ABCA10: variants seen among roughly 807,000 people sequenced by gnomAD.
The protein encoded by ABCA10 is ATP-binding cassette sub-family A member 10.
ABCA10 carries 169 observed loss-of-function variants against 187.5 expected under a neutral mutation model. The ratio of observed to expected loss-of-function variants is 0.90; its 90% confidence interval spans 0.80 to 1.02. ABCA10 has a LOEUF of 1.02. Ranked by LOEUF, ABCA10 falls within the 50% of genes least tolerant of loss-of-function variation. The pLI is 0.00. For missense variants in ABCA10, 1,727 were observed against 1,812.4 expected (o/e 0.95, Z 0.86); for synonymous variants, 574 against 601.8 (o/e 0.95, Z 0.68).
intron 20 of ABCA10, among the ~76,000 whole-genome samples, 187 bp from the exon 21 acceptor site, chr17:69,182,995 T>G (rs1179932495): frequency 6.6e-6 from 1 of 152,198 alleles, no homozygotes; most frequent in Non-Finnish European, 1.5e-5. Flanking sequence ...CCATTTACTA[T>G]CTTCAATGTG....
In ABCA10 at chr17:69,153,289, T is replaced by G; in HGVS notation, c.4136+16A>C. 1 of 1,588,488 alleles carries G rather than the reference T, an allele frequency of 6.3e-7. No individual in the cohort carries two copies. The highest frequency in any genetic ancestry group is 8.5e-7 in the Non-Finnish European group (1 of 1,172,026). On this transcript the variant is annotated intron_variant, in intron 34 of 38. Transcript: ENST00000690296. Reference sequence around the variant, plus strand: ...GTATTCTCTTGACTCTGACACTTAATATTCACTCTCCTTACCACATTTGCT... The same window carrying G: ...GTATTCTCTTGACTCTGACACTTAAGATTCACTCTCCTTACCACATTTGCT...
intron 19 of ABCA10, among the ~76,000 whole-genome samples, chr17:69,186,332 CAAAAG>C (rs942596919): frequency 1.3e-5 from 2 of 152,034 alleles, no homozygotes; most frequent in African/African-American, 4.8e-5. Context: ...TTATCGCCGC[CAAAAG>C]AAAAGAAAAC....
chr17:69,193,864 T>C lies in ABCA10; in HGVS notation c.1471A>G (p.Arg491Gly), dbSNP rs1473277334. The C allele has an allele frequency of 1.2e-6, 2 of 1,613,542 alleles. No individual in the cohort carries two copies. Among genetic ancestry groups the C allele is most frequent in the African/African-American group, 2.7e-5 (2 of 74,910 alleles). ...FDFLTVRENL[R>G]VFAKIKGIQP... is the part of the protein sequence containing the mutation. ...ATCCCTTTTATTTTAGCAAATACCC[T>C]GAGGTTTTCTCTCACAGTGAGGAAG... The change falls in exon 13 of 39, where the codon AGG becomes GGG. Residue 491 changes from arginine (R) to glycine (G), a missense_variant. Coordinates refer to ENST00000690296, the MANE Select transcript of ABCA10 (RefSeq NM_001377321.1).
At chr17:69,154,702 C>T (rs573837363) in intron 30 of ABCA10, among the ~76,000 whole-genome samples, 4 of 152,170 alleles carry the variant, frequency 2.6e-5, no homozygotes, top group South Asian at 2.1e-4. Context: ...ATTAGAGGCA[C>T]GAGCCACCGT....
intron 22 of ABCA10, 139 bp from the exon 23 acceptor site, chr17:69,175,652 T>C (rs1176991524): frequency 1.6e-6 from 1 of 638,640 alleles, no homozygotes; most frequent in African/African-American, 1.9e-5. Flanking sequence ...AGCAAACATG[T>C]TTTGTTAACC....
In ABCA10 at chr17:69,221,812, T is replaced by C. The variant is rs2074749822; in HGVS notation, c.283A>G (p.Ile95Val). 2 of 1,611,936 alleles carry C rather than the reference T, an allele frequency of 1.2e-6. No individual in the cohort carries two copies. The highest frequency in any genetic ancestry group is 1.7e-6 in the Non-Finnish European group (2 of 1,179,286). Residue 95 changes from isoleucine (I) to valine (V), a missense_variant, in exon 5 of 39, where the codon ATT becomes GTT. Ile to Val is a conservative substitution (Grantham distance 29). Coordinates refer to ENST00000690296, the MANE Select transcript of ABCA10 (RefSeq NM_001377321.1). ...LKGFVAFQAAINAAIIEVTTN... is the reference protein window; with the variant it reads ...LKGFVAFQAAVNAAIIEVTTN... ...CTTACTTCTATAATTGCAGCATTAA[T>C]TGCAGCTTGAAAAGCTACAAACCCT...
At chr17:69,203,650 G>A (rs2074565856) in intron 9 of ABCA10, among the ~76,000 whole-genome samples, 1 of 152,146 alleles carries the variant, frequency 6.6e-6, no homozygotes, top group African/African-American at 2.4e-5. Flanking sequence ...GCAGCTGCCA[G>A]AGAGAGCTTC....
At chr17:69,223,963 T>C (rs1305110819) in intron 3 of ABCA10, among the ~76,000 whole-genome samples, 1 of 152,046 alleles carries the variant, frequency 6.6e-6, no homozygotes, top group Non-Finnish European at 1.5e-5. Context: ...AAATGCTTCA[T>C]GAGTTCAGAA....
At chr17:69,235,784 A>C (rs760996812) in intron 1 of ABCA10, among the ~76,000 whole-genome samples, 1 of 152,036 alleles carries the variant, frequency 6.6e-6, no homozygotes, top group African/African-American at 2.4e-5. Context: ...AAAAAAAAGA[A>C]AACAAAAAAA....
chr17:69,184,105 T>A (rs2074402562), intron 20 of ABCA10, among the ~76,000 whole-genome samples: 1 of 152,054 alleles, frequency 6.6e-6, no homozygotes, highest in Non-Finnish European at 1.5e-5. Flanking sequence ...CCTACTTCCC[T>A]AGCGACCTGT....
chr17:69,231,929 CTTATG>C (rs1428946922), upstream of ABCA10, among the ~76,000 whole-genome samples: 8 of 152,034 alleles, frequency 5.3e-5, no homozygotes, highest in African/African-American at 7.2e-5. Context: ...TTTCGGTACT[CTTATG>C]TTGAGTACAT....
intron 25 of ABCA10, among the ~76,000 whole-genome samples, chr17:69,171,671 T>C (rs1734687219): frequency 6.6e-6 from 1 of 152,080 alleles, no homozygotes; most frequent in African/African-American, 2.4e-5. Flanking sequence ...TAATGAAAGC[T>C]AAAGTCAGAG....
rs1445292065 is a variant in ABCA10, at chr17:69,176,334, TTTAAA to T, written c.2770-826_2770-822del. On this transcript the variant is annotated intron_variant, in intron 22 of 38. Transcript: ENST00000690296. ...CTACATAATTTGACTTCTAAAATTG[TTTAAA>T]TTAAACAATTGTCAAGGCATTGAGG... Among the ~76,000 whole-genome samples, 19 of 152,282 alleles carry T rather than the reference TTTAAA, an allele frequency of 1.2e-4. No homozygotes were observed. The Middle Eastern group carries it at 0.014, about 109-fold the overall frequency.
At chr17:69,153,642 T>C in intron 32 of ABCA10, 96 bp from the exon 33 acceptor site, 1 of 1,499,928 alleles carries the variant, frequency 6.7e-7, no homozygotes, top group Non-Finnish European at 9.0e-7. Flanking sequence ...TTCTAGATAG[T>C]AAATTTAAGC....
chr17:69,224,468 AG>A (rs2074776542), intron 3 of ABCA10, among the ~76,000 whole-genome samples: 1 of 152,134 alleles, frequency 6.6e-6, no homozygotes, highest in Non-Finnish European at 1.5e-5. Flanking sequence ...GCAGGAGCAA[AG>A]GCCTCTATGG....
At chr17:69,223,710 C>G in intron 3 of ABCA10, 1 of 426,578 alleles carries the variant, frequency 2.3e-6, no homozygotes, top group East Asian at 7.9e-5. Context: ...CTGATTTTCT[C>G]TAGGGGTATA....
chr17:69,244,595 C>A (rs2074930275), exon 1 of ABCA10: 1 of 151,398 alleles, frequency 6.6e-6, no homozygotes, highest in African/African-American at 2.4e-5. Flanking sequence ...AGGAAATAAG[C>A]TATTTCAGGA....
chr17:69,171,934 CAAAAAAAAAA>C (rs555588771), intron 25 of ABCA10, among the ~76,000 whole-genome samples: 1 of 80,272 alleles, frequency 1.2e-5, no homozygotes, highest in Non-Finnish European at 2.5e-5. Context: ...TTTGGGAAGC[CAAAAAAAAAA>C]AAAAAAAAAG....
At position 69,179,253 on chromosome 17, in the gene ABCA10, G is replaced by A. The variant is rs1421944068; in HGVS notation, c.2769+2900C>T. Among the ~76,000 whole-genome samples the A allele has an allele frequency of 4.6e-5, 7 of 151,244 alleles. No homozygotes were observed. In the South Asian group the frequency reaches 1.5e-3, roughly 32 times the overall value. ...TGAACCTCGTCAAAAGGGAAAAATA[G>A]AACCCCATGTAAGAGACCTACCTAA... is the stretch of plus-strand genomic sequence containing the variant. On this transcript the variant is annotated intron_variant, in intron 22 of 38. Transcript: ENST00000690296.
Sources: gnomAD v4.1 joint callset for allele counts (sites outside exome capture counted in the v4.1 genomes callset) on GRCh38, gnomAD v4.1.1 for gene constraint, MANE v1.5 for transcripts, NCBI Gene and HGNC (gene_info 2026-07-23, HGNC 2026-07-21) for gene names.